The following ATF1 variants were observed in gnomAD, a reference collection of about 807,000 sequenced individuals.
ATF1 encodes the protein cyclic AMP-dependent transcription factor ATF-1.
In ATF1, 16 loss-of-function variants were observed where a neutral mutation model predicts 34.7. The ratio of observed to expected loss-of-function variants is 0.46; its 90% CI spans 0.31 to 0.70. The LOEUF (loss-of-function observed/expected upper bound fraction) is 0.70, where lower values mean the gene tolerates loss of function less well. Ranked by LOEUF, ATF1 falls within the 30% of genes least tolerant of loss-of-function variation. The pLI is 0.05. For synonymous variants in ATF1, 105 were observed against 113.1 expected (o/e 0.93, Z 0.46); for missense variants, 255 against 321.6 (o/e 0.79, Z 1.58).
At chr12:50,806,455 C>A in intron 3 of ATF1, 2 of 359,700 alleles carry the variant, frequency 5.6e-6, no homozygotes, top group South Asian at 2.3e-5. Context: ...CAGCACCACA[C>A]AGGGCGGGCT....
At chr12:50,810,241 G>T in intron 4 of ATF1, among the ~76,000 whole-genome samples, 1 of 135,384 alleles carries the variant, frequency 7.4e-6, no homozygotes. Flanking sequence ...TTTTTGAGGT[G>T]GAGTTTCGCT....
At chr12:50,792,242 C>T (rs572624824) in intron 2 of ATF1, among the ~76,000 whole-genome samples, 1 of 152,292 alleles carries the variant, frequency 6.6e-6, no homozygotes, top group East Asian at 1.9e-4. Flanking sequence ...CTCTCAATCC[C>T]TAGTTCAGCC....
intron 2 of ATF1, among the ~76,000 whole-genome samples, chr12:50,784,049 A>C (rs1223109814): frequency 6.6e-6 from 1 of 151,716 alleles, no homozygotes; most frequent in Non-Finnish European, 1.5e-5. Flanking sequence ...TGCAGTCCCA[A>C]CTACTCAGGA....
At chr12:50,770,794 C>T (rs1940750762) in intron 1 of ATF1, among the ~76,000 whole-genome samples, 2 of 152,250 alleles carry the variant, frequency 1.3e-5, no homozygotes, top group South Asian at 4.1e-4. Flanking sequence ...CCTGCGTATT[C>T]TTGTAAACCA....
At chr12:50,786,608 TG>T (rs1941190656) in intron 2 of ATF1, among the ~76,000 whole-genome samples, 1 of 152,074 alleles carries the variant, frequency 6.6e-6, no homozygotes, top group Admixed American at 6.6e-5. Flanking sequence ...TTTAAGCCGC[TG>T]GGAAAAAGGA....
At chr12:50,766,472 G>A (rs1439199074) in intron 1 of ATF1, among the ~76,000 whole-genome samples, 2 of 152,006 alleles carry the variant, frequency 1.3e-5, no homozygotes, top group South Asian at 2.1e-4. Context: ...GAACAGGATC[G>A]TGGGACATGG....
At chr12:50,766,878 C>T (rs1347302861) in intron 1 of ATF1, among the ~76,000 whole-genome samples, 1 of 152,164 alleles carries the variant, frequency 6.6e-6, no homozygotes, top group Non-Finnish European at 1.5e-5. Flanking sequence ...AACCATCTTA[C>T]CTAGAGGCCA....
At chr12:50,784,106 T>A (rs577819781) in intron 2 of ATF1, among the ~76,000 whole-genome samples, 1 of 151,738 alleles carries the variant, frequency 6.6e-6, no homozygotes, top group South Asian at 2.1e-4. Flanking sequence ...AAGGCTGCAG[T>A]GAGCCGTGAT....
rs1024980988 is a variant in ATF1, at chr12:50,820,430, T to A, written c.*651T>A. 1.1e-5 allele frequency: 2 copies of A among 184,716 alleles called. No homozygotes were observed. Among genetic ancestry groups the A allele is most frequent in the African/African-American group, 4.7e-5 (2 of 42,660 alleles). The allele number at this position is 184,716 out of a possible 1,614,324, so 11.4% of individuals were successfully genotyped here. A position where few individuals can be genotyped will look rare whatever the true frequency, so the allele number is the denominator to read the frequency against. On this transcript the variant is annotated 3_prime_UTR_variant, in exon 7 of 7. Transcript: ENST00000262053. ...ATGGAGTATGGTGATTTTATAACATTTTTTATCAGAATGGAAAAAGAACTG... is the reference window on the plus strand; with the variant it reads ...ATGGAGTATGGTGATTTTATAACATATTTTATCAGAATGGAAAAAGAACTG...
chr12:50,773,444 CTTTTTT>C (rs71086476), intron 1 of ATF1, among the ~76,000 whole-genome samples: 16 of 89,568 alleles, frequency 1.8e-4, no homozygotes, highest in Admixed American at 6.2e-4. Flanking sequence ...AATTGCCATT[CTTTTTT>C]TTTTTTTTTT....
chr12:50,809,422 C>A (rs750793821), intron 3 of ATF1, 34 bp from the exon 4 acceptor site: 8 of 1,476,444 alleles, frequency 5.4e-6, no homozygotes, highest in South Asian at 2.4e-5. Flanking sequence ...ATTCACATTA[C>A]CAATGTTTAA....
chr12:50,807,816 T>G (rs905732108), intron 3 of ATF1, among the ~76,000 whole-genome samples: 1 of 150,734 alleles, frequency 6.6e-6, no homozygotes, highest in Non-Finnish European at 1.5e-5. Flanking sequence ...TTTTTTTGTT[T>G]TTTTTTTTTT....
At chr12:50,792,587 A>T (rs910402773) in intron 2 of ATF1, among the ~76,000 whole-genome samples, 1 of 124,398 alleles carries the variant, frequency 8.0e-6, no homozygotes, top group Non-Finnish European at 1.7e-5. Context: ...CTTCAGATAC[A>T]TTTCAGTTGC....
intron 3 of ATF1, among the ~76,000 whole-genome samples, chr12:50,798,312 T>G (rs574906375): frequency 2.0e-4 from 31 of 151,740 alleles, no homozygotes; most frequent in Non-Finnish European, 2.5e-4. Flanking sequence ...GTTTCATGGT[T>G]GTTGTTTTTT....
intron 1 of ATF1, among the ~76,000 whole-genome samples, chr12:50,770,427 C>A (rs2139635668): frequency 6.6e-6 from 1 of 152,222 alleles, no homozygotes; most frequent in East Asian, 1.9e-4. Flanking sequence ...TGTCCAGGAG[C>A]CCCAAGTTAT....
intron 1 of ATF1, among the ~76,000 whole-genome samples, chr12:50,765,238 T>C (rs1285318935): frequency 6.6e-6 from 1 of 152,194 alleles, no homozygotes; most frequent in African/African-American, 2.4e-5. Flanking sequence ...TGTCTCAGAA[T>C]GCATTTTAAC....
chr12:50,787,355 C>T (rs1002148724), intron 2 of ATF1, among the ~76,000 whole-genome samples: 1 of 152,052 alleles, frequency 6.6e-6, no homozygotes, highest in African/African-American at 2.4e-5. Context: ...GTTAAAGGCT[C>T]CAGTGGGAAA....
intron 4 of ATF1, among the ~76,000 whole-genome samples, chr12:50,811,123 C>T (rs1000438423): frequency 2.6e-5 from 4 of 152,160 alleles, no homozygotes; most frequent in African/African-American, 4.8e-5. Flanking sequence ...TGTCATTGCT[C>T]ATGCCTGGCA....
chr12:50,778,743 A>T (rs1472333641), intron 1 of ATF1, among the ~76,000 whole-genome samples: 2 of 152,020 alleles, frequency 1.3e-5, no homozygotes, highest in Non-Finnish European at 1.5e-5. Context: ...GCTTGCCACC[A>T]CCCCTGGCTA....
Sources: gnomAD v4.1 joint callset for allele counts (sites outside exome capture counted in the v4.1 genomes callset) on GRCh38, gnomAD v4.1.1 for gene constraint, MANE v1.5 for transcripts, NCBI Gene and HGNC (gene_info 2026-07-23, HGNC 2026-07-21) for gene names.